Variants in SNX7 observed in about 807,000 individuals in gnomAD.
SNX7 encodes sorting nexin-7.
In SNX7, 35 loss-of-function variants were observed where a neutral mutation model predicts 48.4. The ratio of observed to expected loss-of-function variants is 0.72; its 90% CI spans 0.55 to 0.96. SNX7 has a LOEUF of 0.96. SNX7 is among the 40% of genes least tolerant of loss of function. SNX7 has a pLI of 0.00. For missense variants in SNX7, 553 were observed against 548.9 expected (o/e 1.01, Z -0.07); for synonymous variants, 190 against 190.2 (o/e 1.00, Z 0.01).
intron 8 of SNX7, among the ~76,000 whole-genome samples, chr1:98,746,623 C>T (rs1654321926): frequency 6.6e-6 from 1 of 152,070 alleles, no homozygotes; most frequent in African/African-American, 2.4e-5. Flanking sequence ...TTTAACACCA[C>T]TTGAACGAGC....
intron 8 of SNX7, among the ~76,000 whole-genome samples, chr1:98,758,926 T>G (rs567235507): frequency 7.1e-6 from 1 of 141,380 alleles, no homozygotes; most frequent in African/African-American, 2.6e-5. Flanking sequence ...AAAATGTGTT[T>G]GTGCATACAC....
intron 7 of SNX7, among the ~76,000 whole-genome samples, chr1:98,716,987 GTGTTTTCTTCT>G: frequency 6.6e-6 from 1 of 151,170 alleles, no homozygotes; most frequent in Admixed American, 6.6e-5. Context: ...TAAAAGTTTG[GTGTTTTCTTCT>G]TTTATCTTCT....
At chr1:98,717,196 A>ATAC (rs1469637503) in intron 7 of SNX7, among the ~76,000 whole-genome samples, 1 of 152,180 alleles carries the variant, frequency 6.6e-6, no homozygotes, top group Admixed American at 6.5e-5. Flanking sequence ...AATAATAATA[A>ATAC]TAGCTAACAT....
intron 7 of SNX7, among the ~76,000 whole-genome samples, chr1:98,707,752 G>A (rs1330026038): frequency 6.6e-6 from 1 of 152,190 alleles, no homozygotes; most frequent in Non-Finnish European, 1.5e-5. Context: ...CTGTTTAGCA[G>A]TATATTTATG....
At chr1:98,680,519 G>A (rs1650420375) in intron 1 of SNX7, among the ~76,000 whole-genome samples, 1 of 152,088 alleles carries the variant, frequency 6.6e-6, no homozygotes, top group Non-Finnish European at 1.5e-5. Flanking sequence ...CACATTATCA[G>A]GCTGCAAAAG....
At chr1:98,729,633 C>A (rs1436125790) in intron 7 of SNX7, among the ~76,000 whole-genome samples, 1 of 152,038 alleles carries the variant, frequency 6.6e-6, no homozygotes, top group Non-Finnish European at 1.5e-5. Context: ...CTATAAACAC[C>A]TCTATGCAAA....
intron 5 of SNX7, among the ~76,000 whole-genome samples, chr1:98,696,366 TG>T (rs1417359929): frequency 6.6e-6 from 1 of 152,142 alleles, no homozygotes; most frequent in Non-Finnish European, 1.5e-5. Flanking sequence ...GTTCCTAAGT[TG>T]ATGGCTTATT....
chr1:98,743,773 GTTGT>G (rs1028938063), intron 8 of SNX7, among the ~76,000 whole-genome samples: 4 of 151,962 alleles, frequency 2.6e-5, no homozygotes, highest in African/African-American at 9.7e-5. Flanking sequence ...TAGTGACATG[GTTGT>G]TTGTTTTAAA....
intron 1 of SNX7, among the ~76,000 whole-genome samples, chr1:98,681,652 GAA>G (rs1472525242): frequency 6.6e-6 from 1 of 152,168 alleles, no homozygotes; most frequent in Non-Finnish European, 1.5e-5. Context: ...TGAAAGGTGA[GAA>G]ATGGTTCCGG....
chr1:98,740,993 C>A (rs1654042156), intron 8 of SNX7, among the ~76,000 whole-genome samples: 1 of 151,934 alleles, frequency 6.6e-6, no homozygotes, highest in Non-Finnish European at 1.5e-5. Context: ...GAAGTTGGAG[C>A]CCTTAAATGA....
At chr1:98,719,919 CTA>C (rs1426727922) in intron 7 of SNX7, among the ~76,000 whole-genome samples, 2 of 148,900 alleles carry the variant, frequency 1.3e-5, no homozygotes, top group African/African-American at 4.9e-5. Context: ...TATATTTCAA[CTA>C]TGTATATTAT....
Position 98,691,553 on chromosome 1 carries a change from A to G in SNX7, c.493A>G (p.Ile165Val), listed in dbSNP as rs371308103. The change falls in exon 4 of 9, where the codon ATA becomes GTA. Residue 165 changes from isoleucine (I) to valine (V), a missense_variant. By Grantham distance (29) the Ile-to-Val change is conservative. Coordinates refer to ENST00000306121, the MANE Select transcript of SNX7 (RefSeq NM_015976.5). ...LIIPPLPEKF[I>V]VKGMVERFND... The stretch of plus-strand genomic sequence containing the variant: ...GCCTTAGCCATTGCCAGAAAAGTTT[A>G]TAGTAAAAGGAATGGTGGAACGCTT... 12 of 1,587,234 alleles carry G rather than the reference A, an allele frequency of 7.6e-6. No homozygotes were observed. The highest frequency in any genetic ancestry group is 9.4e-6 in the Non-Finnish European group (11 of 1,170,450).
chr1:98,674,029 T>C (rs1650022295), intron 1 of SNX7, among the ~76,000 whole-genome samples: 1 of 152,204 alleles, frequency 6.6e-6, no homozygotes, highest in African/African-American at 2.4e-5. Context: ...ATGTGTTTTA[T>C]TTATTTCAGT....
intron 8 of SNX7, among the ~76,000 whole-genome samples, chr1:98,748,637 AACACACACAC>A (rs58973289): frequency 6.6e-4 from 97 of 145,896 alleles, no homozygotes; most frequent in African/African-American, 2.4e-3. Flanking sequence ...AAATGATTTA[AACACACACAC>A]ACACACACAC....
intron 7 of SNX7, among the ~76,000 whole-genome samples, chr1:98,729,655 A>C (rs1433922150): frequency 6.6e-6 from 1 of 152,176 alleles, no homozygotes; most frequent in Non-Finnish European, 1.5e-5. Context: ...AAACTAAGAA[A>C]TCTAGAAGAA....
rs575276921 is a variant in SNX7 at position 98,685,745 on chromosome 1, A to G, written c.363+678A>G. On this transcript the variant is annotated intron_variant, in intron 2 of 8. Transcript: ENST00000306121. ...TATATTTCATAAATGTAAAAAGTAC[A>G]TCTCTTTTTTTAGCTGAAAAAGTTC... is the stretch of plus-strand genomic sequence containing the variant. 3.3e-5 allele frequency among the ~76,000 whole-genome samples: 5 copies of G among 152,302 alleles called. No homozygotes were observed. The South Asian group carries it at 8.3e-4, about 25-fold the overall frequency.
At chr1:98,681,635 T>G (rs543347684) in intron 1 of SNX7, among the ~76,000 whole-genome samples, 1 of 152,274 alleles carries the variant, frequency 6.6e-6, no homozygotes, top group South Asian at 2.1e-4. Flanking sequence ...TATACCATAA[T>G]AGAAAGTGAA....
intron 7 of SNX7, among the ~76,000 whole-genome samples, chr1:98,718,048 G>A (rs1035717086): frequency 6.6e-6 from 1 of 151,974 alleles, no homozygotes; most frequent in African/African-American, 2.4e-5. Flanking sequence ...AAATGAAAGG[G>A]GCATGCACAT....
chr1:98,750,712 T>A (rs1367187227), intron 8 of SNX7, among the ~76,000 whole-genome samples: 2 of 152,136 alleles, frequency 1.3e-5, no homozygotes, highest in East Asian at 3.9e-4. Context: ...AGAAAAGCAG[T>A]TAACTCAGTG....
Sources: allele counts gnomAD v4.1 joint callset (sites outside exome capture counted in the v4.1 genomes callset), GRCh38; gene constraint gnomAD v4.1.1; transcripts MANE v1.5; gene names NCBI Gene and HGNC (gene_info 2026-07-23, HGNC 2026-07-21).